Variants in B4GALT6 observed in about 807,000 individuals in gnomAD.
The protein encoded by B4GALT6 is beta-1,4-galactosyltransferase 6.
B4GALT6 carries 14 observed loss-of-function variants against 46.3 expected under a neutral mutation model. That is an observed-to-expected ratio of 0.30 (90% CI 0.20 to 0.47). B4GALT6 has a LOEUF of 0.47. B4GALT6 is among the 20% of genes least tolerant of loss of function. B4GALT6 has a pLI of 0.99. For missense variants in B4GALT6, 386 were observed against 480.1 expected (o/e 0.80, Z 1.83); for synonymous variants, 168 against 162.0 (o/e 1.04, Z -0.28).
At chr18:31,701,637 G>T in the B4GALT6 span, among the ~76,000 whole-genome samples, 1 of 152,178 alleles carries the variant, frequency 6.6e-6, no homozygotes, top group East Asian at 1.9e-4. Context: ...TGTTTTAAAC[G>T]TAAAAATGTA....
Position 31,630,979 on chromosome 18 carries a change from C to A in B4GALT6, c.756G>T (p.Lys252Asn). The A allele has an allele frequency of 1.2e-6, 2 of 1,614,178 alleles. No individual in the cohort carries two copies. Among genetic ancestry groups the A allele is most frequent in the Non-Finnish European group, 1.7e-6 (2 of 1,180,034 alleles). The change falls in exon 6 of 9, where the codon AAG becomes AAT. Residue 252 changes from lysine to asparagine, a missense_variant. By Grantham distance (94) the Lys-to-Asn change is moderately conservative. Coordinates refer to ENST00000306851, the MANE Select transcript of B4GALT6 (RefSeq NM_004775.5). ...CGEMPRHFAAKLDKYMYILPY... is the reference protein window; with the variant it reads ...CGEMPRHFAANLDKYMYILPY... ...CTTACATATACATGTATTTATCCAGCTTTGCAGCAAAATGACGTGGCATTT... is the reference window on the plus strand; with the variant it reads ...CTTACATATACATGTATTTATCCAGATTTGCAGCAAAATGACGTGGCATTT...
At chr18:31,655,367 T>C (rs2074125050) in intron 3 of B4GALT6, among the ~76,000 whole-genome samples, 1 of 152,234 alleles carries the variant, frequency 6.6e-6, no homozygotes, top group South Asian at 2.1e-4. Flanking sequence ...GAGGGACTGC[T>C]GTGAAAAGAT....
chr18:31,658,191 A>T, intron 2 of B4GALT6, 102 bp from the exon 3 acceptor site: 1 of 788,634 alleles, frequency 1.3e-6, no homozygotes. Context: ...TACAATATAC[A>T]ATCTACAGAA....
intron 2 of B4GALT6, among the ~76,000 whole-genome samples, chr18:31,665,801 C>G (rs530063341): frequency 6.6e-6 from 1 of 152,216 alleles, no homozygotes; most frequent in East Asian, 1.9e-4. Flanking sequence ...TATAAAATTT[C>G]TCCTTTAGCT....
At chr18:31,633,527 A>G (rs2144520251) in intron 5 of B4GALT6, among the ~76,000 whole-genome samples, 1 of 152,332 alleles carries the variant, frequency 6.6e-6, no homozygotes. Context: ...CACTTTATCC[A>G]GTGTCATCTG....
chr18:31,703,096 A>T, the B4GALT6 span, among the ~76,000 whole-genome samples: 1 of 152,250 alleles, frequency 6.6e-6, no homozygotes, highest in Non-Finnish European at 1.5e-5. Context: ...TGATAAAAAA[A>T]ATAGCTGGTG....
chr18:31,628,565 A>G (rs2073732901), intron 6 of B4GALT6, among the ~76,000 whole-genome samples: 1 of 152,194 alleles, frequency 6.6e-6, no homozygotes. Context: ...AACAAAACCC[A>G]ACAAGTCAAA....
chr18:31,709,436 T>C, the B4GALT6 span, among the ~76,000 whole-genome samples: 1 of 137,944 alleles, frequency 7.2e-6, no homozygotes, highest in African/African-American at 2.6e-5. Context: ...AATTCATACA[T>C]ATATATATAT....
chr18:31,626,940 C>T, intron 7 of B4GALT6, 59 bp downstream of exon 7: 1 of 1,429,202 alleles, frequency 7.0e-7, no homozygotes, highest in Non-Finnish European at 9.6e-7. Context: ...CTACAATTTA[C>T]CTAATATAAA....
intron 1 of B4GALT6, among the ~76,000 whole-genome samples, chr18:31,682,836 T>C (rs2074496040): frequency 6.6e-6 from 1 of 152,176 alleles, no homozygotes; most frequent in Non-Finnish European, 1.5e-5. Flanking sequence ...TGCTATAGAA[T>C]GAAGAGTTAA....
intron 6 of B4GALT6, 70 bp from the exon 7 acceptor site, chr18:31,627,191 G>T: frequency 7.0e-7 from 1 of 1,432,890 alleles, no homozygotes; most frequent in East Asian, 2.3e-5. Context: ...GAAGGTTTCA[G>T]CCTTTTATGT....
the B4GALT6 span, among the ~76,000 whole-genome samples, chr18:31,698,457 C>T: frequency 6.6e-6 from 1 of 152,098 alleles, no homozygotes; most frequent in Non-Finnish European, 1.5e-5. Context: ...TAGTGAAACC[C>T]TGTCTCTACT....
At chr18:31,716,957 G>A in the B4GALT6 span, among the ~76,000 whole-genome samples, 2 of 151,908 alleles carry the variant, frequency 1.3e-5, no homozygotes, top group African/African-American at 2.4e-5. Flanking sequence ...AAAATTAGCC[G>A]AGCGTGTGGT....
At chr18:31,652,330 T>C (rs16962266) in intron 3 of B4GALT6, among the ~76,000 whole-genome samples, 7,850 of 152,276 alleles carry the variant, frequency 0.052, 231 homozygotes, top group Middle Eastern at 0.1. Flanking sequence ...CCAAATTCAG[T>C]GGCCCTTTCA....
the B4GALT6 span, among the ~76,000 whole-genome samples, chr18:31,693,797 A>T: frequency 6.6e-6 from 1 of 151,820 alleles, no homozygotes; most frequent in Non-Finnish European, 1.5e-5. Flanking sequence ...GTGGGACTCC[A>T]TCTCTATAAA....
At chr18:31,659,484 T>A (rs1306760878) in intron 2 of B4GALT6, among the ~76,000 whole-genome samples, 1 of 152,112 alleles carries the variant, frequency 6.6e-6, no homozygotes, top group Non-Finnish European at 1.5e-5. Context: ...GCAGAGGGTG[T>A]TGGGACGGGC....
At chr18:31,717,156 A>G in the B4GALT6 span, among the ~76,000 whole-genome samples, 1 of 152,156 alleles carries the variant, frequency 6.6e-6, no homozygotes, top group Non-Finnish European at 1.5e-5. Flanking sequence ...ATTCAAAATA[A>G]GCAAAAAATG....
chr18:31,689,803 T>C (rs1219195329), upstream of B4GALT6, among the ~76,000 whole-genome samples: 1 of 152,078 alleles, frequency 6.6e-6, no homozygotes, highest in Non-Finnish European at 1.5e-5. Flanking sequence ...GGCAGCCCCC[T>C]GAAGGTTGAG....
Position 31,684,550 on chromosome 18 carries a change from G to A in B4GALT6, c.-124C>T. The A allele has an allele frequency of 3.4e-6, 5 of 1,478,674 alleles. No homozygotes were observed. Among genetic ancestry groups the A allele is most frequent in the Admixed American group, 2.2e-5 (1 of 45,882 alleles). The allele number at this position is 1,478,674 out of a possible 1,614,324, so 91.6% of individuals were successfully genotyped here. ...GACTGCAGCGGGGTCCGCGCGGGGA[G>A]GCTCTGGGGAGAGGGCCCGAGCGGA... is the stretch of plus-strand genomic sequence containing the variant. On this transcript the variant is annotated 5_prime_UTR_variant, in exon 1 of 9. Coordinates refer to ENST00000306851, the MANE Select transcript of B4GALT6 (RefSeq NM_004775.5).
Sources: allele counts gnomAD v4.1 joint callset (sites outside exome capture counted in the v4.1 genomes callset), GRCh38; gene constraint gnomAD v4.1.1; transcripts MANE v1.5; gene names NCBI Gene and HGNC (gene_info 2026-07-23, HGNC 2026-07-21).